The following CEP68 variants were observed in gnomAD, a reference collection of about 807,000 sequenced individuals.
The protein encoded by CEP68 is centrosomal protein of 68 kDa.
A neutral mutation model predicts 55.3 loss-of-function variants in CEP68; 26 were observed. The ratio of observed to expected loss-of-function variants is 0.47; its 90% CI spans 0.34 to 0.65. The LOEUF (loss-of-function observed/expected upper bound fraction) is 0.65, where lower values mean the gene tolerates loss of function less well. CEP68 is among the 30% of genes least tolerant of loss of function. CEP68 has a pLI of 0.01. For synonymous variants in CEP68, 402 were observed against 383.2 expected (o/e 1.05, Z -0.57); for missense variants, 957 against 946.7 (o/e 1.01, Z -0.14).
At chr2:65,061,014 TAAAA>T (rs1675887326) in intron 1 of CEP68, among the ~76,000 whole-genome samples, 1 of 152,070 alleles carries the variant, frequency 6.6e-6, no homozygotes, top group Non-Finnish European at 1.5e-5. Flanking sequence ...CTGTCTCTAC[TAAAA>T]ATACTAAAAT....
chr2:65,082,251 C>A (rs1209803111), intron 5 of CEP68, among the ~76,000 whole-genome samples: 1 of 152,192 alleles, frequency 6.6e-6, no homozygotes, highest in African/African-American at 2.4e-5. Flanking sequence ...TACCAGCCAT[C>A]AGAAAACCAT....
rs1676514827 is a variant in CEP68, at chr2:65,072,275, T to C, written c.1179T>C (p.Ser393=). 6.2e-7 allele frequency: 1 copy of C among 1,613,904 alleles called. No individual in the cohort carries two copies. The highest frequency in any genetic ancestry group is 1.3e-5 in the African/African-American group (1 of 74,878). The change falls in exon 3 of 7, where the codon TCT becomes TCC. Residue 393 remains serine, a synonymous_variant. Coordinates refer to ENST00000377990, the MANE Select transcript of CEP68 (RefSeq NM_015147.3). The part of the protein sequence containing the change: ...PQKQGGMGLA[S]WSQLASTPRA... ...AACAGGGTGGCATGGGCTTGGCATC[T>C]TGGAGCCAACTTGCATCTACCCCCA... is the stretch of plus-strand genomic sequence containing the variant.
At chr2:65,062,320 G>A (rs1317498690) in intron 1 of CEP68, among the ~76,000 whole-genome samples, 2 of 152,208 alleles carry the variant, frequency 1.3e-5, no homozygotes, top group Admixed American at 1.3e-4. Flanking sequence ...GGTCACTTGA[G>A]GCCGGGAGTT....
At chr2:65,071,368 C>T in intron 2 of CEP68, 86 bp from the exon 3 acceptor site, 6 of 1,166,626 alleles carry the variant, frequency 5.1e-6, no homozygotes, top group Non-Finnish European at 7.5e-6. Flanking sequence ...TGTCTAGACC[C>T]ACAAGGAAAC....
chr2:65,071,599 A>G lies in CEP68; in HGVS notation c.503A>G (p.Gln168Arg). The G allele has an allele frequency of 6.2e-7, 1 of 1,614,204 alleles. No homozygotes were observed. The highest frequency in any genetic ancestry group is 1.1e-5 in the South Asian group (1 of 91,084). ...TTGCCCCAGGCACTGGACCTCAGCCAGCAGCCTCACAGCTCAGGTCTCTCT... is the reference window on the plus strand; with the variant it reads ...TTGCCCCAGGCACTGGACCTCAGCCGGCAGCCTCACAGCTCAGGTCTCTCT... ...ADLPQALDLS[Q>R]QPHSSGLSCL... is the part of the protein sequence containing the mutation. The change falls in exon 3 of 7, where the codon CAG becomes CGG. Residue 168 changes from glutamine (Q) to arginine (R), a missense_variant. Coordinates refer to ENST00000377990, the MANE Select transcript of CEP68 (RefSeq NM_015147.3).
At chr2:65,073,921 C>T (rs1487409599) in intron 3 of CEP68, 4 of 207,528 alleles carry the variant, frequency 1.9e-5, no homozygotes, top group Admixed American at 1.1e-4. Flanking sequence ...ATTTATTTTA[C>T]GTTCACTTTT....
intron 1 of CEP68, among the ~76,000 whole-genome samples, chr2:65,066,738 A>G (rs1211418956): frequency 5.1e-5 from 5 of 98,150 alleles, no homozygotes; most frequent in Non-Finnish European, 1.0e-4. Flanking sequence ...AAAAAAAAAA[A>G]AAAAAAAATA....
At chr2:65,070,932 C>T (rs2103772202) in intron 2 of CEP68, 1 of 159,272 alleles carries the variant, frequency 6.3e-6, no homozygotes, top group East Asian at 1.8e-4. Flanking sequence ...TGCTGTCCTG[C>T]TTCCCTCGGG....
chr2:65,077,822 A>G (rs1267897581), intron 4 of CEP68, 46 bp from the exon 5 acceptor site: 1 of 1,427,944 alleles, frequency 7.0e-7, no homozygotes, highest in Non-Finnish European at 9.8e-7. Context: ...TTTACAAAAC[A>G]ATAGTAACGA....
Position 65,072,336 on chromosome 2 carries a change from A to C in CEP68, c.1240A>C (p.Arg414=). The C allele has an allele frequency of 1.2e-6, 2 of 1,614,020 alleles. No homozygotes were observed. Among genetic ancestry groups the C allele is most frequent in the Non-Finnish European group, 1.7e-6 (2 of 1,180,020 alleles). The change falls in exon 3 of 7, where the codon AGA becomes CGA. Residue 414 remains arginine, a synonymous_variant. Transcript: ENST00000377990. ...CAGTAGGGATGCTCGTTGGGAGCGC[A>C]GAGAGCCAGCCCTGAGGGGTGCGAA... ...PGSRDARWER[R]EPALRGAKDR... is the part of the protein sequence containing the mutation.
intron 1 of CEP68, among the ~76,000 whole-genome samples, chr2:65,063,423 C>G (rs973019819): frequency 2.0e-5 from 3 of 152,348 alleles, no homozygotes; most frequent in African/African-American, 7.2e-5. Context: ...TGTGCCCCAT[C>G]ATGGAGCTGC....
In CEP68 at chr2:65,074,579, A is replaced by G. The variant is rs758565489; in HGVS notation, c.2007+175A>G. On this transcript the variant is annotated intron_variant, in intron 4 of 6. Coordinates refer to ENST00000377990, the MANE Select transcript of CEP68 (RefSeq NM_015147.3). ...TAAAGCGGAACGCTTTGTAAAATGC[A>G]TGAATTATTTCCCAGGCCAAATGGA... 4.0e-5 allele frequency: 36 copies of G among 899,502 alleles called. No homozygotes were observed. In the African/African-American group the frequency reaches 5.6e-4, roughly 14 times the overall value. The allele number at this position is 899,502 out of a possible 1,614,324, so 55.7% of individuals were successfully genotyped here.
Position 65,069,624 on chromosome 2 carries a change from G to T in CEP68, c.180G>T (p.Gly60=), listed in dbSNP as rs745628512. Residue 60 remains glycine (G), a synonymous_variant, in exon 2 of 7, where the codon GGG becomes GGT. Coordinates refer to ENST00000377990, the MANE Select transcript of CEP68 (RefSeq NM_015147.3). ...TCTCCCCTGTATGGGGGGCAGAAGG[G>T]ATACCTGCCCCTACTTGCTGGATTG... is the stretch of plus-strand genomic sequence containing the variant. The part of the protein sequence containing the change: ...GLISPVWGAE[G]IPAPTCWIGT... 22 of 1,613,960 alleles carry T rather than the reference G, an allele frequency of 1.4e-5. No individual in the cohort carries two copies. The South Asian group carries it at 2.2e-4, about 16-fold the overall frequency.
chr2:65,084,129 A>G lies in CEP68; in HGVS notation c.*495A>G, dbSNP rs552291445. On this transcript the variant is annotated 3_prime_UTR_variant, in exon 7 of 7. Transcript: ENST00000377990. ...TCAATCCCTCTTTAAAGATATAGGT[A>G]GAAAGAAGAGATTTTTAACCCTTTG... 1 of 152,368 alleles carries G rather than the reference A, an allele frequency of 6.6e-6. No homozygotes were observed. Among genetic ancestry groups the G allele is most frequent in the South Asian group, 2.1e-4 (1 of 4,824 alleles). The allele number at this position is 152,368 out of a possible 1,614,324, so 9.4% of individuals were successfully genotyped here.
At chr2:65,081,072 G>C (rs1484257500) in intron 5 of CEP68, among the ~76,000 whole-genome samples, 1 of 151,780 alleles carries the variant, frequency 6.6e-6, no homozygotes, top group Non-Finnish European at 1.5e-5. Flanking sequence ...TTAGCCGGGC[G>C]TGGTGGTGGG....
rs1255300733 is a variant in CEP68, at chr2:65,086,930, ATTATC to A, written c.*3300_*3304del. ...AATATTCTGTCCATTTCATTTTACAATTATCTTACCACTTATTTTTGTACCATGTA... is the reference window on the plus strand; with the variant it reads ...AATATTCTGTCCATTTCATTTTACAATTACCACTTATTTTTGTACCATGTA... On this transcript the variant is annotated 3_prime_UTR_variant, in exon 7 of 7. Transcript: ENST00000377990. 1.3e-5 allele frequency: 2 copies of A among 152,622 alleles called. No individual in the cohort carries two copies. The highest frequency in any genetic ancestry group is 2.4e-5 in the African/African-American group (1 of 41,450). The allele number at this position is 152,622 out of a possible 1,614,324, so 9.5% of individuals were successfully genotyped here.
chr2:65,066,743 A>AT (rs1394424081), intron 1 of CEP68, among the ~76,000 whole-genome samples: 1,200 of 88,062 alleles, frequency 0.014, 1 homozygote, highest in Middle Eastern at 0.022. Flanking sequence ...AAAAAAAAAA[A>AT]AAATATATAT....
chr2:65,067,832 G>A (rs1041876765), intron 1 of CEP68, among the ~76,000 whole-genome samples: 15 of 152,200 alleles, frequency 9.9e-5, no homozygotes, highest in African/African-American at 2.4e-4. Flanking sequence ...ACGAGCGTCC[G>A]TGCGAAGGGC....
At chr2:65,062,969 C>T (rs779231105) in intron 1 of CEP68, among the ~76,000 whole-genome samples, 1 of 152,210 alleles carries the variant, frequency 6.6e-6, no homozygotes, top group Non-Finnish European at 1.5e-5. Context: ...GTTCCCAGTC[C>T]TCCTCTCTCC....
Sources: gnomAD v4.1 joint callset for allele counts (sites outside exome capture counted in the v4.1 genomes callset) on GRCh38, gnomAD v4.1.1 for gene constraint, MANE v1.5 for transcripts, NCBI Gene and HGNC (gene_info 2026-07-23, HGNC 2026-07-21) for gene names.